HPX: variants seen among roughly 807,000 people sequenced by gnomAD.
HPX encodes hemopexin.
In HPX, 42 loss-of-function variants were observed where a neutral mutation model predicts 53.8. The observed-to-expected ratio is 0.78, with a 90% CI of 0.61 to 1.01. The LOEUF is 1.01. Among genes scored for constraint, HPX ranks in the 50% least tolerant of loss-of-function variants. HPX has a pLI of 0.00. For missense variants in HPX, 547 were observed against 594.3 expected (o/e 0.92, Z 0.83); for synonymous variants, 229 against 221.1 (o/e 1.04, Z -0.32).
At position 6,431,359 on chromosome 11, in the gene HPX, C is replaced by A. The variant is rs781573050; in HGVS notation, c.1241G>T (p.Gly414Val). 3.7e-5 allele frequency: 60 copies of A among 1,614,100 alleles called. No individual in the cohort carries two copies. In the East Asian group the frequency reaches 1.3e-3, roughly 35 times the overall value. The change falls in exon 10 of 10, where the codon GGC becomes GTC. Residue 414 changes from glycine to valine, a missense_variant. Gly to Val is a moderately radical substitution (Grantham distance 109). Coordinates refer to ENST00000265983, the MANE Select transcript of HPX (RefSeq NM_000613.3). ...ACCATTGGCGGAACATGAGTTAGGG[C>A]CAAGGGACTTTTCCATACACAAGGC... is the stretch of plus-strand genomic sequence containing the variant. ...DGALCMEKSL[G>V]PNSCSANGPG...
chr11:6,438,556 G>A (rs1849446726), intron 4 of HPX, 47 bp from the exon 5 acceptor site: 1 of 1,556,238 alleles, frequency 6.4e-7, no homozygotes. Context: ...CCCAGATACT[G>A]CCACTCTGCA....
intron 3 of HPX, 53 bp downstream of exon 3, chr11:6,440,414 G>A (rs1849467043): frequency 6.9e-6 from 11 of 1,588,536 alleles, no homozygotes; most frequent in Non-Finnish European, 9.5e-6. Flanking sequence ...GACACCCTTT[G>A]TGAAGGAGAG....
rs776359177 is a variant in HPX at position 6,440,749 on chromosome 11, A to G, written c.84-19T>C. The G allele has an allele frequency of 2.4e-5, 38 of 1,612,356 alleles. No homozygotes were observed. Among genetic ancestry groups the G allele is most frequent in the Non-Finnish European group, 3.2e-5 (38 of 1,178,596 alleles). The stretch of plus-strand genomic sequence containing the variant: ...ACTAGTCCTAGGGAGAACAAAATAG[A>G]TATCTTGATCCATTGGGACCGATCC... On this transcript the variant is annotated intron_variant, in intron 1 of 9. Coordinates refer to ENST00000265983, the MANE Select transcript of HPX (RefSeq NM_000613.3).
At chr11:6,435,141 G>A (rs1024294058) in intron 7 of HPX, among the ~76,000 whole-genome samples, 1 of 152,122 alleles carries the variant, frequency 6.6e-6, no homozygotes. Flanking sequence ...CAGGCATGGT[G>A]GTATGCGCCT....
chr11:6,431,349 T>C lies in HPX; in HGVS notation c.1251A>G (p.Ser417=), dbSNP rs1849344641. 2 of 1,613,358 alleles carry C rather than the reference T, an allele frequency of 1.2e-6. No homozygotes were observed. Among genetic ancestry groups the C allele is most frequent in the Non-Finnish European group, 8.5e-7 (1 of 1,179,278 alleles). The change falls in exon 10 of 10, where the codon TCA becomes TCG. Residue 417 remains serine, a synonymous_variant. Coordinates refer to ENST00000265983, the MANE Select transcript of HPX (RefSeq NM_000613.3). ...LCMEKSLGPN[S]CSANGPGLYL... Reference sequence around the variant, plus strand: ...ACAAGCCGGGACCATTGGCGGAACATGAGTTAGGGCCAAGGGACTTTTCCA... The same window carrying C: ...ACAAGCCGGGACCATTGGCGGAACACGAGTTAGGGCCAAGGGACTTTTCCA...
intron 3 of HPX, 67 bp from the exon 4 acceptor site, chr11:6,440,353 G>C (rs552579940): frequency 6.2e-7 from 1 of 1,602,770 alleles, no homozygotes; most frequent in South Asian, 1.1e-5. Flanking sequence ...TAGCTTGAGA[G>C]AAGCTGTCAG....
In HPX at chr11:6,440,750, T is replaced by C. The variant is rs761655832; in HGVS notation, c.84-20A>G. 7 of 1,612,214 alleles carry C rather than the reference T, an allele frequency of 4.3e-6. No homozygotes were observed. In the South Asian group the frequency reaches 5.5e-5, roughly 13 times the overall value. On this transcript the variant is annotated intron_variant, in intron 1 of 9. Transcript: ENST00000265983. ...CTAGTCCTAGGGAGAACAAAATAGA[T>C]ATCTTGATCCATTGGGACCGATCCC...
chr11:6,439,972 C>G, intron 4 of HPX, 193 bp downstream of exon 4: 1 of 673,280 alleles, frequency 1.5e-6, no homozygotes, highest in Non-Finnish European at 2.7e-6. Flanking sequence ...AGAACAGCCA[C>G]TGGATGGTGC....
In HPX at chr11:6,440,655, G is replaced by C; in HGVS notation, c.142+17C>G. ...CAACCAGACAGATAAGACAGACTTA[G>C]GGAGTCAGGGCCTCACCAGTCACGT... On this transcript the variant is annotated intron_variant, in intron 2 of 9. Transcript: ENST00000265983. 1 of 1,609,494 alleles carries C rather than the reference G, an allele frequency of 6.2e-7. No homozygotes were observed. The highest frequency in any genetic ancestry group is 1.3e-5 in the African/African-American group (1 of 74,106).
chr11:6,435,458 TTTG>T (rs1162759649), intron 7 of HPX, among the ~76,000 whole-genome samples: 2 of 151,864 alleles, frequency 1.3e-5, no homozygotes, highest in Admixed American at 6.6e-5. Context: ...TTTGTTTTGT[TTTG>T]TTTTTTGTTT....
chr11:6,440,106 G>T, intron 4 of HPX, 59 bp downstream of exon 4: 2 of 1,610,148 alleles, frequency 1.2e-6, no homozygotes, highest in Non-Finnish European at 8.5e-7. Context: ...TTGGGGGAAG[G>T]GTCCCCAGTG....
chr11:6,435,412 G>GTA (rs111433327), intron 7 of HPX, among the ~76,000 whole-genome samples: 7,761 of 148,916 alleles, frequency 0.052, 525 homozygotes, highest in African/African-American at 0.16. Context: ...CCTCAGCTAG[G>GTA]TATATATATA....
chr11:6,433,395 T>C (rs1346601559), intron 7 of HPX, among the ~76,000 whole-genome samples: 6 of 152,232 alleles, frequency 3.9e-5, no homozygotes, highest in Non-Finnish European at 8.8e-5. Context: ...CAAGCTGGTC[T>C]CGAACTCCTG....
chr11:6,438,884 C>T (rs1313888673), intron 4 of HPX, among the ~76,000 whole-genome samples: 4 of 152,154 alleles, frequency 2.6e-5, no homozygotes, highest in African/African-American at 7.2e-5. Context: ...GAAACAGTCA[C>T]TGAATAACTA....
chr11:6,436,298 T>C (rs569790628), intron 7 of HPX, among the ~76,000 whole-genome samples: 1 of 152,364 alleles, frequency 6.6e-6, no homozygotes, highest in East Asian at 1.9e-4. Context: ...GTCCTAATTA[T>C]ACATATATCT....
chr11:6,439,045 C>CA (rs141514089), intron 4 of HPX, among the ~76,000 whole-genome samples: 2,276 of 152,256 alleles, frequency 0.015, 52 homozygotes, highest in African/African-American at 0.05. Context: ...AGAATATAGA[C>CA]AGAGTGCCTA....
chr11:6,440,490 T>C lies in HPX; in HGVS notation c.191A>G (p.Asn64Ser), dbSNP rs138351745. ...WSFDATTLDDNGTMLFFKGEF... is the reference protein window; with the variant it reads ...WSFDATTLDDSGTMLFFKGEF... The stretch of plus-strand genomic sequence containing the variant: ...ACCTTTAAAAAACAGCATGGTTCCA[T>C]TGTCATCCAGGGTGGTAGCATCAAA... The change falls in exon 3 of 10, where the codon AAT becomes AGT. Residue 64 changes from asparagine (N) to serine (S), a missense_variant. By Grantham distance (46) the Asn-to-Ser change is conservative (BLOSUM62 1). Coordinates refer to ENST00000265983, the MANE Select transcript of HPX (RefSeq NM_000613.3). 1.9e-5 allele frequency: 31 copies of C among 1,608,106 alleles called. No individual in the cohort carries two copies. The African/African-American group carries it at 3.7e-4, about 19-fold the overall frequency.
At position 6,437,130 on chromosome 11, in the gene HPX, C is replaced by T. The variant is rs777212138; in HGVS notation, c.751G>A (p.Gly251Ser). The T allele has an allele frequency of 5.6e-6, 9 of 1,614,004 alleles. No individual in the cohort carries two copies. In the East Asian group the frequency reaches 2.0e-4, roughly 36 times the overall value. The change falls in exon 7 of 10, where the codon GGC (glycine) becomes AGC (serine). Residue 251 changes from glycine (G) to serine (S), a missense_variant. Transcript: ENST00000265983. ...GGGCTACAGCGCATATACTCAGGGC[C>T]ATGGTGGGTACTGTTCCCATGGCCA... ...GTGHGNSTHH[G>S]PEYMRCSPHL...
chr11:6,432,294 G>A (rs543880121), intron 7 of HPX: 9 of 482,082 alleles, frequency 1.9e-5, no homozygotes, highest in South Asian at 1.6e-4. Flanking sequence ...TGGGGTTGGC[G>A]GGCACTCCCT....
Sources: allele counts gnomAD v4.1 joint callset (sites outside exome capture counted in the v4.1 genomes callset), GRCh38; gene constraint gnomAD v4.1.1; transcripts MANE v1.5; gene names NCBI Gene and HGNC (gene_info 2026-07-23, HGNC 2026-07-21).